Variants in NBPF3 observed in about 807,000 individuals in gnomAD.
The protein encoded by NBPF3 is NBPF family member NBPF3.
A neutral mutation model predicts 78.1 loss-of-function variants in NBPF3; 57 were observed. That is an observed-to-expected ratio of 0.73 (90% confidence interval 0.59 to 0.91). The LOEUF (loss-of-function observed/expected upper bound fraction) is 0.91, where lower values mean the gene tolerates loss of function less well. NBPF3 is among the 40% of genes least tolerant of loss of function. NBPF3 has a pLI of 0.00. For missense variants in NBPF3, 510 were observed against 715.3 expected, an observed-to-expected ratio of 0.71 and a Z score of 3.27; for synonymous variants, 182 against 271.7, an observed-to-expected ratio of 0.67 and a Z score of 3.25.
At chr1:21,472,211 G>A (rs1002264750) in intron 5 of NBPF3, among the ~76,000 whole-genome samples, 8 of 152,280 alleles carry the variant, frequency 5.3e-5, no homozygotes, top group Middle Eastern at 3.4e-3. Flanking sequence ...ATCTGCAAAG[G>A]CAGGCAAATT....
intron 2 of NBPF3, among the ~76,000 whole-genome samples, chr1:21,462,639 G>A (rs1642015438): frequency 6.6e-6 from 1 of 152,222 alleles, no homozygotes; most frequent in Admixed American, 6.5e-5. Context: ...TGATATTCAA[G>A]TGACACACTG....
In NBPF3 at chr1:21,471,611, C is replaced by A; in HGVS notation, c.489C>A (p.Thr163=). 6.2e-7 allele frequency: 1 copy of A among 1,612,122 alleles called. No homozygotes were observed. The highest frequency in any genetic ancestry group is 2.2e-5 in the East Asian group (1 of 44,848). The change falls in exon 5 of 15, where the codon ACC becomes ACA. Residue 163 remains threonine (T), a synonymous_variant. Coordinates refer to ENST00000318249, the MANE Select transcript of NBPF3 (RefSeq NM_032264.6). The part of the protein sequence containing the change: ...VLVHSQEREL[T]QLREKLQEGR... The stretch of plus-strand genomic sequence containing the variant: ...TTCACTCTCAGGAACGAGAGCTGAC[C>A]CAGTTAAGGGAGAAGTTACAGGAAG...
intron 10 of NBPF3, among the ~76,000 whole-genome samples, chr1:21,479,844 G>A (rs147900768): frequency 0.1 from 14,713 of 147,798 alleles, 972 homozygotes; most frequent in Non-Finnish European, 0.15. Flanking sequence ...GTGTGTGTGT[G>A]TGTGTGTGTA....
At chr1:21,450,405 G>C (rs1173303643) in intron 2 of NBPF3, among the ~76,000 whole-genome samples, 2 of 152,202 alleles carry the variant, frequency 1.3e-5, no homozygotes, top group Non-Finnish European at 2.9e-5. Context: ...GCCACAGAAA[G>C]CTCTGTCATG....
At position 21,466,380 on chromosome 1, in the gene NBPF3, C is replaced by G. The variant is rs199881166; in HGVS notation, c.134-2308C>G. On this transcript the variant is annotated intron_variant, in intron 2 of 14. Coordinates refer to ENST00000318249, the MANE Select transcript of NBPF3 (RefSeq NM_032264.6). The stretch of plus-strand genomic sequence containing the variant: ...AGTCCAGGGCATAAAACCTAAACCA[C>G]TGCTCATATTTATTCTTTCTAAATA... 1.2e-4 allele frequency among the ~76,000 whole-genome samples: 18 copies of G among 152,422 alleles called. No individual in the cohort carries two copies. In the East Asian group the frequency reaches 2.7e-3, roughly 23 times the overall value.
rs10664185 is a variant in NBPF3, at chr1:21,457,369, T to TATATATATATGTATGC, written c.134-11311_134-11310insATGTATGCATATATAT. Among the ~76,000 whole-genome samples, 10 of 10,098 alleles carry TATATATATATGTATGC rather than the reference T, an allele frequency of 9.9e-4. No homozygotes were observed. The East Asian group carries it at 0.017, about 17-fold the overall frequency. The allele number at this position is 10,098 out of a possible 152,430, so 6.6% of individuals were successfully genotyped here. On this transcript the variant is annotated intron_variant, in intron 2 of 14. Coordinates refer to ENST00000318249, the MANE Select transcript of NBPF3 (RefSeq NM_032264.6). The stretch of plus-strand genomic sequence containing the variant: ...GTGTGTATATATATATATATGTATG[T>TATATATATATGTATGC]ATATATATGTATGTATATATATGTA...
intron 1 of NBPF3, among the ~76,000 whole-genome samples, chr1:21,443,460 G>T (rs1640780799): frequency 6.6e-6 from 1 of 152,128 alleles, no homozygotes; most frequent in Admixed American, 6.5e-5. Context: ...TGTCAAGGCA[G>T]TAACACTTTT....
upstream of NBPF3, among the ~76,000 whole-genome samples, chr1:21,438,953 A>C (rs939553014): frequency 6.6e-6 from 1 of 152,244 alleles, no homozygotes; most frequent in African/African-American, 2.4e-5. Flanking sequence ...AGTTGGCAGC[A>C]CTGGGGGAGG....
At chr1:21,471,450 C>A in intron 4 of NBPF3, 119 bp from the exon 5 acceptor site, 1 of 1,493,772 alleles carries the variant, frequency 6.7e-7, no homozygotes, top group Non-Finnish European at 9.2e-7. Flanking sequence ...TAAACATGTG[C>A]TGACCTTCTG....
At chr1:21,465,053 C>A (rs1473852891) in intron 2 of NBPF3, among the ~76,000 whole-genome samples, 1 of 145,704 alleles carries the variant, frequency 6.9e-6, no homozygotes, top group African/African-American at 2.5e-5. Flanking sequence ...TAGTAAGTGG[C>A]CAAAATATGA....
At chr1:21,478,950 C>G (rs960672772) in intron 9 of NBPF3, among the ~76,000 whole-genome samples, 23 of 152,194 alleles carry the variant, frequency 1.5e-4, no homozygotes, top group Admixed American at 4.6e-4. Flanking sequence ...ACATTGCACC[C>G]CTCCATCAAA....
In NBPF3 at chr1:21,445,193, G is replaced by C. The variant is rs199755595; in HGVS notation, c.107G>C (p.Arg36Pro). 5.6e-6 allele frequency: 9 copies of C among 1,611,782 alleles called. No homozygotes were observed. The highest frequency in any genetic ancestry group is 6.8e-6 in the Non-Finnish European group (8 of 1,179,764). ...AGAGCAGCCTCACATGGTGTGGGCC[G>C]ACATCAAGAGCTGCGAGATCCAACA... ...APRAASHGVG[R>P]HQELRDPTVP... Residue 36 changes from arginine (R) to proline (P), a missense_variant, in exon 2 of 15, where the codon CGA (arginine) becomes CCA (proline). Arg to Pro is a moderately radical substitution (Grantham distance 103). Transcript: ENST00000318249.
chr1:21,468,649 G>A, intron 2 of NBPF3, 39 bp from the exon 3 acceptor site: 1 of 1,612,292 alleles, frequency 6.2e-7, no homozygotes, highest in African/African-American at 1.3e-5. Flanking sequence ...GATTTCACCA[G>A]TTTTTAACCC....
chr1:21,479,472 A>G (rs1440461353), intron 10 of NBPF3, 72 bp downstream of exon 10: 8 of 1,323,258 alleles, frequency 6.0e-6, no homozygotes, highest in South Asian at 3.5e-5. Context: ...GGAAAGCAGT[A>G]CATGCTGAAA....
At chr1:21,444,055 G>A (rs1187359638) in intron 1 of NBPF3, among the ~76,000 whole-genome samples, 4 of 151,966 alleles carry the variant, frequency 2.6e-5, no homozygotes, top group African/African-American at 4.8e-5. Flanking sequence ...ATAAGCTACC[G>A]GCAATTAGAG....
chr1:21,449,571 A>G (rs948821055), intron 2 of NBPF3, among the ~76,000 whole-genome samples: 1 of 152,016 alleles, frequency 6.6e-6, no homozygotes, highest in Admixed American at 6.6e-5. Flanking sequence ...CCTGAGTTCA[A>G]GTGATTCTCC....
intron 2 of NBPF3, among the ~76,000 whole-genome samples, chr1:21,455,889 G>A (rs1182425314): frequency 1.3e-5 from 2 of 152,194 alleles, no homozygotes; most frequent in Non-Finnish European, 2.9e-5. Context: ...GTTGGGGAAT[G>A]TATGATGGAG....
chr1:21,460,409 G>A lies in NBPF3; in HGVS notation c.134-8279G>A, dbSNP rs1641887008. On this transcript the variant is annotated intron_variant, in intron 2 of 14. Coordinates refer to ENST00000318249, the MANE Select transcript of NBPF3 (RefSeq NM_032264.6). The surrounding 1 kb of genome is among the most constrained non-coding windows in gnomAD (Gnocchi z 4.2). ...CCAGGGACAGGCCGTGGTGTGTGAT[G>A]TTCCCCGCCCTGTGTCCAAGTGTTC... Among the ~76,000 whole-genome samples, 1 of 152,146 alleles carries A rather than the reference G, an allele frequency of 6.6e-6. No individual in the cohort carries two copies. Among genetic ancestry groups the A allele is most frequent in the Non-Finnish European group, 1.5e-5 (1 of 68,032 alleles).
chr1:21,439,221 G>A (rs908824958), upstream of NBPF3, among the ~76,000 whole-genome samples: 2 of 152,208 alleles, frequency 1.3e-5, no homozygotes, highest in Admixed American at 6.5e-5. Context: ...AGAGGTTGCA[G>A]TGAGCTGAGA....
Sources: allele counts gnomAD v4.1 joint callset (sites outside exome capture counted in the v4.1 genomes callset), GRCh38; gene constraint gnomAD v4.1.1; non-coding constraint Gnocchi (gnomAD v3.1); transcripts MANE v1.5; gene names NCBI Gene and HGNC (gene_info 2026-07-23, HGNC 2026-07-21).